TRAF3IP1: variants seen among roughly 807,000 people sequenced by gnomAD.
TRAF3IP1 encodes the protein intraflagellar transport 54.
TRAF3IP1 carries 53 observed loss-of-function variants against 89.9 expected under a neutral mutation model. The ratio of observed to expected loss-of-function variants is 0.59; its 90% CI spans 0.47 to 0.74. The LOEUF (loss-of-function observed/expected upper bound fraction) is 0.74. Among genes scored for constraint, TRAF3IP1 ranks in the 30% least tolerant of loss-of-function variants. The probability of loss-of-function intolerance (pLI) is 0.00; values close to 1 mark genes in which losing one functional copy is unlikely to be tolerated. For missense variants in TRAF3IP1, 806 were observed against 866.1 expected (o/e 0.93, Z 0.87); for synonymous variants, 311 against 322.1 (o/e 0.97, Z 0.37).
intron 9 of TRAF3IP1, among the ~76,000 whole-genome samples, chr2:238,346,464 G>A (rs148817150): frequency 2.6e-5 from 4 of 152,070 alleles, no homozygotes; most frequent in Admixed American, 6.6e-5. Flanking sequence ...AGAGCCTCCC[G>A]GTTCCCCTTG....
chr2:238,363,838 T>A (rs752510772), intron 15 of TRAF3IP1, among the ~76,000 whole-genome samples: 6 of 152,106 alleles, frequency 3.9e-5, no homozygotes, highest in Non-Finnish European at 8.8e-5. Flanking sequence ...TGTGTGCCTG[T>A]AGTTTCAGCT....
chr2:238,377,166 C>T (rs1321686993), intron 15 of TRAF3IP1, among the ~76,000 whole-genome samples: 1 of 151,760 alleles, frequency 6.6e-6, no homozygotes, highest in Non-Finnish European at 1.5e-5. Flanking sequence ...TGGCTAGGCC[C>T]TCTGCTAGAG....
chr2:238,355,412 T>C (rs1699363837), intron 14 of TRAF3IP1, among the ~76,000 whole-genome samples: 1 of 152,290 alleles, frequency 6.6e-6, no homozygotes, highest in Non-Finnish European at 1.5e-5. Flanking sequence ...ATCTTGCTCT[T>C]TTTAATTTGA....
At chr2:238,352,444 A>G (rs1451816992) in intron 12 of TRAF3IP1, among the ~76,000 whole-genome samples, 1 of 152,122 alleles carries the variant, frequency 6.6e-6, no homozygotes, top group Non-Finnish European at 1.5e-5. Context: ...TCCAGGTAGA[A>G]AGCAGCAGGT....
At chr2:238,353,830 G>C (rs1699285481) in intron 14 of TRAF3IP1, among the ~76,000 whole-genome samples, 1 of 152,154 alleles carries the variant, frequency 6.6e-6, no homozygotes, top group African/African-American at 2.4e-5. Context: ...CTGGAGTTCA[G>C]TGGTGCTATC....
intron 15 of TRAF3IP1, among the ~76,000 whole-genome samples, chr2:238,375,840 G>A (rs1319444684): frequency 1.3e-5 from 2 of 152,182 alleles, no homozygotes; most frequent in Non-Finnish European, 1.5e-5. Context: ...GTAAAGCTTT[G>A]TTTTGACATG....
chr2:238,327,480 C>T (rs960395731), intron 3 of TRAF3IP1, among the ~76,000 whole-genome samples: 3 of 152,170 alleles, frequency 2.0e-5, no homozygotes, highest in African/African-American at 7.2e-5. Context: ...ACTGAGGTGT[C>T]CTGCACTCTG....
rs368589025 is a variant in TRAF3IP1 at position 238,353,229 on chromosome 2, G to A, written c.1612+20G>A. On this transcript the variant is annotated intron_variant, in intron 14 of 16. Coordinates refer to ENST00000373327, the MANE Select transcript of TRAF3IP1 (RefSeq NM_015650.4). ...AGCATGGTGAGTCCTGGGCACGAGT[G>A]TGCATGTATGTCCATGTGTGTGTGC... The A allele has an allele frequency of 1.1e-4, 185 of 1,613,668 alleles. No homozygotes were observed. The highest frequency in any genetic ancestry group is 1.5e-4 in the Non-Finnish European group (178 of 1,179,694).
At chr2:238,328,664 T>G (rs1318115724) in intron 3 of TRAF3IP1, 22 bp from the exon 4 acceptor site, 1 of 1,609,380 alleles carries the variant, frequency 6.2e-7, no homozygotes, top group South Asian at 1.1e-5. Context: ...AACACCTCAT[T>G]TCCTTCCATT....
At chr2:238,325,228 A>G (rs1266998049) in intron 1 of TRAF3IP1, 78 bp from the exon 2 acceptor site, 3 of 1,358,500 alleles carry the variant, frequency 2.2e-6, no homozygotes, top group Non-Finnish European at 3.2e-6. Flanking sequence ...ACATCTCCCA[A>G]GTGTGGAGTT....
chr2:238,397,353 C>A, intron 15 of TRAF3IP1, 106 bp from the exon 16 acceptor site: 1 of 926,838 alleles, frequency 1.1e-6, no homozygotes, highest in Non-Finnish European at 1.7e-6. Context: ...CTGTCTCTGC[C>A]TGCGCCTTTC....
chr2:238,354,682 G>A (rs1699327991), intron 14 of TRAF3IP1, among the ~76,000 whole-genome samples: 1 of 151,684 alleles, frequency 6.6e-6, no homozygotes, highest in South Asian at 2.1e-4. Context: ...ATGGAGTCTC[G>A]CCCTGTCGCC....
chr2:238,366,028 A>G (rs551245715), intron 15 of TRAF3IP1, among the ~76,000 whole-genome samples: 1 of 152,192 alleles, frequency 6.6e-6, no homozygotes, highest in Non-Finnish European at 1.5e-5. Flanking sequence ...GGCAGATCAC[A>G]AGGTCAGGAG....
intron 15 of TRAF3IP1, among the ~76,000 whole-genome samples, chr2:238,388,935 G>A (rs531854770): frequency 1.3e-5 from 2 of 152,304 alleles, no homozygotes; most frequent in South Asian, 4.1e-4. Flanking sequence ...GCCCAGCCTA[G>A]AAAACAAACT....
At chr2:238,331,492 C>A (rs1698122431) in intron 5 of TRAF3IP1, among the ~76,000 whole-genome samples, 1 of 152,042 alleles carries the variant, frequency 6.6e-6, no homozygotes. Context: ...ACAACAACAA[C>A]AAAAAGAAAT....
intron 10 of TRAF3IP1, among the ~76,000 whole-genome samples, chr2:238,348,298 A>G (rs573641129): frequency 6.6e-6 from 1 of 152,328 alleles, no homozygotes; most frequent in East Asian, 1.9e-4. Flanking sequence ...ATATATATGC[A>G]TATGTATATA....
chr2:238,390,105 A>G (rs926615415), intron 15 of TRAF3IP1, among the ~76,000 whole-genome samples: 7 of 152,176 alleles, frequency 4.6e-5, no homozygotes, highest in Non-Finnish European at 1.0e-4. Flanking sequence ...CCGCAGGAAA[A>G]GGGAGGCCAG....
chr2:238,388,205 T>C (rs190547197), intron 15 of TRAF3IP1, among the ~76,000 whole-genome samples: 147 of 152,032 alleles, frequency 9.7e-4, no homozygotes, highest in African/African-American at 3.4e-3. Context: ...TGAAACCACG[T>C]CTCTACAAAA....
rs141156647 is a variant in TRAF3IP1 at position 238,343,156 on chromosome 2, G to A, written c.1160-1341G>A. Among the ~76,000 whole-genome samples, 441 of 151,142 alleles carry A rather than the reference G, an allele frequency of 2.9e-3. 2 individuals are homozygous for A. The highest frequency in any genetic ancestry group is 0.01 in the African/African-American group (418 of 41,216). ...GGCTGGAGTGCAGTGGCACGATCTC[G>A]CTCACTGCAACCTCTGCTTCCCGGG... On this transcript the variant is annotated intron_variant, in intron 8 of 16. Coordinates refer to ENST00000373327, the MANE Select transcript of TRAF3IP1 (RefSeq NM_015650.4).
Sources: gnomAD v4.1 joint callset for allele counts (sites outside exome capture counted in the v4.1 genomes callset) on GRCh38, gnomAD v4.1.1 for gene constraint, MANE v1.5 for transcripts, NCBI Gene and HGNC (gene_info 2026-07-23, HGNC 2026-07-21) for gene names.